Variants in KIAA1328 observed in about 807,000 individuals in gnomAD.
KIAA1328 encodes KIAA1328.
KIAA1328 carries 52 observed loss-of-function variants against 68.1 expected under a neutral mutation model. The observed-to-expected ratio is 0.76, with a 90% CI of 0.61 to 0.96. KIAA1328 has a LOEUF of 0.96. Among genes scored for constraint, KIAA1328 ranks in the 40% least tolerant of loss-of-function variants. The pLI, the probability that KIAA1328 is intolerant of heterozygous loss-of-function variation, is 0.00. For missense variants in KIAA1328, 641 were observed against 677.6 expected, an observed-to-expected ratio of 0.95 and a Z score of 0.60; for synonymous variants, 232 against 239.4, an observed-to-expected ratio of 0.97 and a Z score of 0.28.
At position 36,944,704 on chromosome 18, in the gene KIAA1328, C is replaced by A. The variant is rs1311002536; in HGVS notation, c.449-14604C>A. Among the ~76,000 whole-genome samples, 4 of 152,032 alleles carry A rather than the reference C, an allele frequency of 2.6e-5. No homozygotes were observed. The East Asian group carries it at 7.7e-4, about 29-fold the overall frequency. On this transcript the variant is annotated intron_variant, in intron 5 of 9. Coordinates refer to ENST00000280020, the MANE Select transcript of KIAA1328 (RefSeq NM_020776.3). The stretch of plus-strand genomic sequence containing the variant: ...ATATCAGTGAAAGAGATTTAAGGAG[C>A]AATCAGTAAGGAAGAAACAGAATGA...
At chr18:37,054,712 G>A (rs772189073) in intron 6 of KIAA1328, among the ~76,000 whole-genome samples, 16 of 152,146 alleles carry the variant, frequency 1.1e-4, no homozygotes, top group Non-Finnish European at 2.2e-4. Context: ...CTGTTGGGTA[G>A]TACATCCACT....
chr18:37,071,249 T>A (rs2151750743), intron 7 of KIAA1328, among the ~76,000 whole-genome samples: 1 of 151,980 alleles, frequency 6.6e-6, no homozygotes, highest in East Asian at 1.9e-4. Flanking sequence ...GTTTTTGCAT[T>A]GTTTGTAGAG....
At chr18:37,122,715 T>C (rs570069796) in intron 7 of KIAA1328, among the ~76,000 whole-genome samples, 1 of 152,098 alleles carries the variant, frequency 6.6e-6, no homozygotes, top group South Asian at 2.1e-4. Flanking sequence ...CAATTTTCTC[T>C]GTGAATCAGG....
chr18:37,131,807 C>T (rs2058528642), intron 7 of KIAA1328, among the ~76,000 whole-genome samples: 2 of 152,106 alleles, frequency 1.3e-5, no homozygotes, highest in Admixed American at 6.5e-5. Flanking sequence ...TAGTCACACT[C>T]GGGGGTAACT....
chr18:37,229,476 A>G, downstream of KIAA1328: 16 of 1,020,406 alleles, frequency 1.6e-5, no homozygotes, highest in Non-Finnish European at 2.0e-5. Context: ...AAAACTTGCC[A>G]AGGTCATCAA....
At chr18:36,919,327 A>G (rs2049831226) in intron 5 of KIAA1328, among the ~76,000 whole-genome samples, 1 of 152,092 alleles carries the variant, frequency 6.6e-6, no homozygotes, top group African/African-American at 2.4e-5. Context: ...TCTCTTATAG[A>G]CAGCATATAG....
At chr18:37,063,680 A>AT in intron 6 of KIAA1328, 1 of 985,328 alleles carries the variant, frequency 1.0e-6, no homozygotes, top group Non-Finnish European at 1.2e-6. Context: ...CGTTAAAATC[A>AT]TTAAGCTGTA....
In KIAA1328 at chr18:37,224,082, C is replaced by T. The variant is rs1185759596; in HGVS notation, c.*1855C>T. The T allele has an allele frequency of 3.0e-6, 3 of 985,248 alleles. No individual in the cohort carries two copies. The highest frequency in any genetic ancestry group is 3.6e-6 in the Non-Finnish European group (3 of 829,938). 61.0% of individuals were successfully genotyped at this position (985,248 alleles called of 1,614,324 possible). ...GGGTGGATGGCAAACTAAGAGCCCT[C>T]AGCCATTTTTTCAGTTAAAGTTAGG... On this transcript the variant is annotated 3_prime_UTR_variant, in exon 10 of 10. Transcript: ENST00000280020.
chr18:36,981,048 A>T lies in KIAA1328; in HGVS notation c.576+21613A>T, dbSNP rs540372470. On this transcript the variant is annotated intron_variant, in intron 6 of 9. Transcript: ENST00000280020. The stretch of plus-strand genomic sequence containing the variant: ...ACAAGGAAAACTTAATTGGTGAGGA[A>T]CAAATAATGGGCACTTGTAGAGATG... Among the ~76,000 whole-genome samples, 7 of 152,326 alleles carry T rather than the reference A, an allele frequency of 4.6e-5. No homozygotes were observed. In the East Asian group the frequency reaches 1.4e-3, roughly 29 times the overall value.
intron 5 of KIAA1328, among the ~76,000 whole-genome samples, chr18:36,890,458 G>T (rs2048646839): frequency 6.6e-6 from 1 of 152,052 alleles, no homozygotes; most frequent in South Asian, 2.1e-4. Flanking sequence ...ATCACCTGAG[G>T]TTAGGAGTTC....
intron 5 of KIAA1328, among the ~76,000 whole-genome samples, chr18:36,935,711 T>G (rs2050474527): frequency 6.6e-6 from 1 of 152,190 alleles, no homozygotes; most frequent in Admixed American, 6.5e-5. Flanking sequence ...TTTGCACTGC[T>G]TGTCCTAATT....
At chr18:37,183,064 A>G (rs2059728112) in intron 9 of KIAA1328, among the ~76,000 whole-genome samples, 1 of 152,116 alleles carries the variant, frequency 6.6e-6, no homozygotes, top group African/African-American at 2.4e-5. Flanking sequence ...ATGTTGGCAA[A>G]TTTTCCAATG....
At chr18:37,051,155 C>T (rs1599086981) in intron 6 of KIAA1328, among the ~76,000 whole-genome samples, 1 of 151,160 alleles carries the variant, frequency 6.6e-6, no homozygotes, top group East Asian at 1.9e-4. Flanking sequence ...TCAACTTTCA[C>T]GAAATGTAGT....
chr18:37,104,975 C>T (rs918897058), intron 7 of KIAA1328, among the ~76,000 whole-genome samples: 5 of 152,098 alleles, frequency 3.3e-5, no homozygotes, highest in Non-Finnish European at 4.4e-5. Flanking sequence ...AACTCTTTTC[C>T]GGTTATCTCC....
intron 9 of KIAA1328, among the ~76,000 whole-genome samples, chr18:37,186,584 A>C (rs1222722999): frequency 6.6e-6 from 1 of 151,452 alleles, no homozygotes; most frequent in African/African-American, 2.4e-5. Flanking sequence ...AAAAAAAAAA[A>C]AAACCATGAA....
At chr18:37,204,413 G>A (rs2060176778) in intron 9 of KIAA1328, among the ~76,000 whole-genome samples, 1 of 151,998 alleles carries the variant, frequency 6.6e-6, no homozygotes, top group African/African-American at 2.4e-5. Context: ...AAGTCAATTT[G>A]GTATCATAGA....
chr18:37,121,889 CAT>C (rs1452322877), intron 7 of KIAA1328, among the ~76,000 whole-genome samples: 1 of 151,998 alleles, frequency 6.6e-6, no homozygotes, highest in Non-Finnish European at 1.5e-5. Flanking sequence ...GTGTGTAAAA[CAT>C]ATGAATGGCC....
chr18:36,861,135 C>T (rs904797698), intron 4 of KIAA1328, among the ~76,000 whole-genome samples: 1 of 152,136 alleles, frequency 6.6e-6, no homozygotes, highest in African/African-American at 2.4e-5. Context: ...TCTTTAGTCT[C>T]CTCCTGTTTG....
intron 5 of KIAA1328, among the ~76,000 whole-genome samples, chr18:36,922,890 A>G (rs1422698044): frequency 1.3e-5 from 2 of 152,050 alleles, no homozygotes; most frequent in Non-Finnish European, 2.9e-5. Context: ...CCTTGAGAAG[A>G]GTCTTGGTGC....
Sources: gnomAD v4.1 joint callset for allele counts (sites outside exome capture counted in the v4.1 genomes callset) on GRCh38, gnomAD v4.1.1 for gene constraint, MANE v1.5 for transcripts, NCBI Gene and HGNC (gene_info 2026-07-23, HGNC 2026-07-21) for gene names.